Variants in PMVK observed in about 807,000 individuals in gnomAD.
The protein encoded by PMVK is testis tissue sperm-binding protein Li 95mP.
Under a neutral mutation model 19.0 loss-of-function variants are expected in PMVK, and 10 were observed. That is an observed-to-expected ratio of 0.53 (90% CI 0.32 to 0.89). PMVK has a LOEUF of 0.89. Among genes scored for constraint, PMVK ranks in the 40% least tolerant of loss-of-function variants. The pLI, the probability that PMVK is intolerant of heterozygous loss-of-function variation, is 0.03. For missense variants in PMVK, 222 were observed against 251.1 expected (o/e 0.88, Z 0.78); for synonymous variants, 108 against 101.6 (o/e 1.06, Z -0.38).
intron 3 of PMVK, among the ~76,000 whole-genome samples, chr1:154,927,931 G>A (rs1229823488): frequency 2.6e-5 from 4 of 152,060 alleles, no homozygotes; most frequent in Non-Finnish European, 4.4e-5. Context: ...ACCACTGCCT[G>A]ATATATTCTG....
chr1:154,936,516 G>A, intron 1 of PMVK, 75 bp downstream of exon 1: 1 of 1,539,456 alleles, frequency 6.5e-7, no homozygotes, highest in Non-Finnish European at 8.8e-7. Context: ...AGCTCACTCC[G>A]TGACACCCAA....
At chr1:154,929,737 C>T (rs1654280098) in intron 2 of PMVK, among the ~76,000 whole-genome samples, 3 of 152,036 alleles carry the variant, frequency 2.0e-5, no homozygotes, top group African/African-American at 7.2e-5. Context: ...ACCCAGAGGA[C>T]CCCCAAGGCA....
At chr1:154,927,922 C>T (rs529178024) in intron 3 of PMVK, among the ~76,000 whole-genome samples, 2 of 147,826 alleles carry the variant, frequency 1.4e-5, no homozygotes, top group African/African-American at 5.4e-5. Context: ...TTAGTATTTA[C>T]CACTGCCTGA....
At chr1:154,934,844 C>T (rs1031821804) in intron 1 of PMVK, among the ~76,000 whole-genome samples, 4 of 151,970 alleles carry the variant, frequency 2.6e-5, no homozygotes. Flanking sequence ...AGGCAGATCA[C>T]CTGAGGTCAG....
chr1:154,933,477 T>C (rs1403848789), intron 1 of PMVK, among the ~76,000 whole-genome samples: 2 of 150,512 alleles, frequency 1.3e-5, no homozygotes, highest in African/African-American at 2.4e-5. Context: ...GTTATTTAAT[T>C]TACTTAACCA....
At chr1:154,926,564 G>T in intron 3 of PMVK, 81 bp from the exon 4 acceptor site, 1 of 1,317,110 alleles carries the variant, frequency 7.6e-7, no homozygotes. Flanking sequence ...AGAACCCAGG[G>T]CAGTGTGGGG....
intron 1 of PMVK, among the ~76,000 whole-genome samples, chr1:154,933,172 C>T (rs1049351634): frequency 5.9e-5 from 9 of 152,094 alleles, no homozygotes; most frequent in African/African-American, 1.4e-4. Flanking sequence ...TGGTGGCTCA[C>T]GCCTGTAATC....
chr1:154,928,925 G>A lies in PMVK; in HGVS notation c.312+99C>T, dbSNP rs1654251773. On this transcript the variant is annotated intron_variant, in intron 3 of 4. Coordinates refer to ENST00000368467, the MANE Select transcript of PMVK (RefSeq NM_006556.4). ...GACTGTCCAGGCCAGAAATGGTGGG[G>A]GCTTGGGCCAGGATGGTGGCAGTGG... 4 of 1,206,522 alleles carry A rather than the reference G, an allele frequency of 3.3e-6. No homozygotes were observed. In the African/African-American group the frequency reaches 4.5e-5, roughly 13 times the overall value. The allele number at this position is 1,206,522 out of a possible 1,614,324, so 74.7% of individuals were successfully genotyped here. A position where few individuals can be genotyped will look rare whatever the true frequency, so the allele number is the denominator to read the frequency against.
intron 3 of PMVK, 82 bp downstream of exon 3, chr1:154,928,942 T>C: frequency 7.3e-7 from 1 of 1,364,582 alleles, no homozygotes; most frequent in Non-Finnish European, 1.0e-6. Flanking sequence ...GCCAGGATGG[T>C]GGCAGTGGAG....
chr1:154,929,227 C>A, intron 2 of PMVK, 51 bp from the exon 3 acceptor site: 1 of 1,590,054 alleles, frequency 6.3e-7, no homozygotes, highest in South Asian at 1.1e-5. Flanking sequence ...CCTCAGTGGT[C>A]TCTCCTAAAA....
Position 154,925,269 on chromosome 1 carries a change from T to C in PMVK, c.443-4A>G, listed in dbSNP as rs1654114841. 1.2e-6 allele frequency: 2 copies of C among 1,614,050 alleles called. No individual in the cohort carries two copies. The highest frequency in any genetic ancestry group is 2.2e-5 in the East Asian group (1 of 44,880). On this transcript the variant is annotated splice_polypyrimidine_tract_variant and splice_region_variant and intron_variant, in intron 4 of 4. Transcript: ENST00000368467. The stretch of plus-strand genomic sequence containing the variant: ...TCTGACTCAGCATCGTCCACCCCTA[T>C]GAAGGAAGCATGGTGAGGTCAGGCC...
At position 154,925,279 on chromosome 1, in the gene PMVK, A is replaced by T. The variant is rs1654115108; in HGVS notation, c.443-14T>A. On this transcript the variant is annotated splice_polypyrimidine_tract_variant and intron_variant, in intron 4 of 4. Transcript: ENST00000368467. ...CATCGTCCACCCCTATGAAGGAAGC[A>T]TGGTGAGGTCAGGCCTCAGCCCTCC... is the stretch of plus-strand genomic sequence containing the variant. The T allele has an allele frequency of 6.2e-7, 1 of 1,613,890 alleles. No individual in the cohort carries two copies. The highest frequency in any genetic ancestry group is 1.3e-5 in the African/African-American group (1 of 74,902).
chr1:154,925,393 C>T (rs1439203667), intron 4 of PMVK, 128 bp from the exon 5 acceptor site: 3 of 995,404 alleles, frequency 3.0e-6, no homozygotes, highest in Non-Finnish European at 4.6e-6. Flanking sequence ...CAAGGGCTAC[C>T]CACCCAGAAG....
At chr1:154,931,847 T>TA (rs956038340) in intron 2 of PMVK, among the ~76,000 whole-genome samples, 1 of 152,006 alleles carries the variant, frequency 6.6e-6, no homozygotes, top group Non-Finnish European at 1.5e-5. Flanking sequence ...TTGTTTACTT[T>TA]AAAAAAAATT....
At chr1:154,939,645 C>T (rs889695718), upstream of PMVK, among the ~76,000 whole-genome samples, 6 of 147,796 alleles carry the variant, frequency 4.1e-5, no homozygotes, top group Middle Eastern at 3.5e-3. Context: ...TTGCAGTGAG[C>T]GGAGATCAGA....
At chr1:154,928,908 A>G in intron 3 of PMVK, 116 bp downstream of exon 3, 2 of 1,015,090 alleles carry the variant, frequency 2.0e-6, no homozygotes, top group Admixed American at 3.7e-5. Context: ...GCGACTGTCC[A>G]GGCCAGAAAT....
At chr1:154,926,579 G>T in intron 3 of PMVK, 96 bp from the exon 4 acceptor site, 1 of 1,039,002 alleles carries the variant, frequency 9.6e-7, no homozygotes, top group Non-Finnish European at 1.4e-6. Context: ...GTGGGGTGTG[G>T]CTCTACCCCC....
the PMVK span, among the ~76,000 whole-genome samples, chr1:154,942,320 G>C: frequency 0.96 from 146,830 of 152,300 alleles, 70,815 homozygotes; most frequent in East Asian, 1. Flanking sequence ...TATCCCCAAG[G>C]CCTGTGGGAA....
At chr1:154,936,724 C>T (rs1412707484), upstream of PMVK, 14 of 1,526,192 alleles carry the variant, frequency 9.2e-6, no homozygotes, top group Non-Finnish European at 1.2e-5. Flanking sequence ...GCTGACACTT[C>T]TCCCTACCCC....
Sources: allele counts gnomAD v4.1 joint callset (sites outside exome capture counted in the v4.1 genomes callset), GRCh38; gene constraint gnomAD v4.1.1; transcripts MANE v1.5; gene names NCBI Gene and HGNC (gene_info 2026-07-23, HGNC 2026-07-21).